The following GPHN variants were observed in gnomAD, a reference collection of about 807,000 sequenced individuals.
GPHN encodes gephyrin.
A neutral mutation model predicts 95.5 loss-of-function variants in GPHN; 17 were observed. The observed-to-expected ratio is 0.18, with a 90% CI of 0.12 to 0.27. The LOEUF (loss-of-function observed/expected upper bound fraction) is 0.27, where lower values mean the gene tolerates loss of function less well. Among genes scored for constraint, GPHN ranks in the 10% least tolerant of loss-of-function variants. The pLI, the probability that GPHN is intolerant of heterozygous loss-of-function variation, is 1.00. For synonymous variants in GPHN, 320 were observed against 322.5 expected, an observed-to-expected ratio of 0.99 and a Z score of 0.08; for missense variants, 660 against 978.1, an observed-to-expected ratio of 0.67 and a Z score of 4.34.
the GPHN span, among the ~76,000 whole-genome samples, chr14:67,545,463 C>G: frequency 6.6e-6 from 1 of 151,944 alleles, no homozygotes; most frequent in South Asian, 2.1e-4. Context: ...GTATTCATAC[C>G]TCAAATCAGT....
the GPHN span, among the ~76,000 whole-genome samples, chr14:67,487,619 G>A: frequency 1.3e-5 from 2 of 152,160 alleles, no homozygotes; most frequent in East Asian, 1.9e-4. Context: ...ACAACCACTC[G>A]TGCAGAAAAA....
intron 4 of GPHN, among the ~76,000 whole-genome samples, chr14:66,879,116 C>CAAA (rs1470604081): frequency 3.2e-4 from 49 of 152,086 alleles, no homozygotes; most frequent in Non-Finnish European, 5.6e-4. Flanking sequence ...AACAGAAAAC[C>CAAA]AAACACTACA....
chr14:66,862,105 G>GA (rs2063047738), intron 4 of GPHN, among the ~76,000 whole-genome samples: 1 of 151,574 alleles, frequency 6.6e-6, no homozygotes, highest in Non-Finnish European at 1.5e-5. Flanking sequence ...GAATAACTAA[G>GA]AAAAAAGGAG....
At chr14:67,364,897 G>A in the GPHN span, 1 of 1,613,934 alleles carries the variant, frequency 6.2e-7, no homozygotes, top group Non-Finnish European at 8.5e-7. Context: ...CAACATTGAA[G>A]GCATGATTCT....
chr14:66,797,626 A>T (rs1275789654), intron 3 of GPHN, among the ~76,000 whole-genome samples: 1 of 151,638 alleles, frequency 6.6e-6, no homozygotes, highest in Non-Finnish European at 1.5e-5. Flanking sequence ...TATTTTTCAG[A>T]TTGTTCACTG....
At chr14:67,061,623 A>G (rs1267992093) in intron 11 of GPHN, among the ~76,000 whole-genome samples, 1 of 151,772 alleles carries the variant, frequency 6.6e-6, no homozygotes, top group Non-Finnish European at 1.5e-5. Context: ...TTCTCCCTAA[A>G]CCTGACATGA....
intron 5 of GPHN, among the ~76,000 whole-genome samples, chr14:66,888,311 G>A (rs1376186467): frequency 1.3e-5 from 2 of 152,008 alleles, no homozygotes; most frequent in African/African-American, 4.8e-5. Flanking sequence ...ACAGAGTCCA[G>A]AGGGGAAAAA....
intron 9 of GPHN, among the ~76,000 whole-genome samples, chr14:66,990,772 ATATTT>A (rs1169126181): frequency 2.6e-5 from 4 of 152,050 alleles, no homozygotes; most frequent in Non-Finnish European, 4.4e-5. Flanking sequence ...ATTCAATTAA[ATATTT>A]TATTTTATGG....
the GPHN span, among the ~76,000 whole-genome samples, chr14:67,633,079 G>T: frequency 6.6e-6 from 1 of 151,736 alleles, no homozygotes; most frequent in African/African-American, 2.4e-5. Context: ...CTCGGCCTCC[G>T]AAAGTGCTGG....
At chr14:66,813,048 C>T (rs905722130) in intron 3 of GPHN, among the ~76,000 whole-genome samples, 11 of 152,264 alleles carry the variant, frequency 7.2e-5, no homozygotes, top group African/African-American at 2.6e-4. Flanking sequence ...ACTACCCTCA[C>T]TGACAGTCTG....
At chr14:67,228,220 TAA>T in the GPHN span, 1 of 158,342 alleles carries the variant, frequency 6.3e-6, no homozygotes, top group Non-Finnish European at 1.4e-5. Flanking sequence ...ATGGCTGGAT[TAA>T]AAAAAAGAGA....
At chr14:67,541,783 C>G in the GPHN span, 1 of 1,294,200 alleles carries the variant, frequency 7.7e-7, no homozygotes, top group Non-Finnish European at 1.0e-6. Flanking sequence ...CCACAGAACT[C>G]TTCCTCACAC....
At chr14:67,541,511 T>C in the GPHN span, among the ~76,000 whole-genome samples, 1 of 152,206 alleles carries the variant, frequency 6.6e-6, no homozygotes, top group East Asian at 1.9e-4. Context: ...AATGGATAAG[T>C]TTGTTGTGTG....
chr14:67,078,897 T>C (rs905253641), intron 11 of GPHN, among the ~76,000 whole-genome samples: 6 of 152,014 alleles, frequency 3.9e-5, no homozygotes, highest in African/African-American at 1.5e-4. Context: ...AGACCAAAAC[T>C]TGAGGTCATG....
the GPHN span, chr14:67,620,961 G>A: frequency 1.2e-6 from 2 of 1,614,094 alleles, no homozygotes; most frequent in East Asian, 4.5e-5. Context: ...AGGCTCTCCA[G>A]TTTGGGTAAG....
chr14:67,015,244 T>G (rs1436142193), intron 9 of GPHN, among the ~76,000 whole-genome samples: 2 of 152,184 alleles, frequency 1.3e-5, no homozygotes, highest in Admixed American at 1.3e-4. Flanking sequence ...GTTTTTCACA[T>G]TAACCTAGAA....
At chr14:67,060,953 G>T (rs1006654379) in intron 11 of GPHN, among the ~76,000 whole-genome samples, 2 of 152,096 alleles carry the variant, frequency 1.3e-5, no homozygotes, top group African/African-American at 4.8e-5. Flanking sequence ...AACTTATTTT[G>T]TCGACAATAC....
intron 1 of GPHN, among the ~76,000 whole-genome samples, chr14:66,598,593 TC>T (rs1243647921): frequency 6.6e-6 from 1 of 152,088 alleles, no homozygotes; most frequent in Non-Finnish European, 1.5e-5. Context: ...ATGCCTGCAA[TC>T]CCAGCACTTT....
chr14:66,660,954 A>G (rs2065607342), intron 1 of GPHN, among the ~76,000 whole-genome samples: 2 of 152,180 alleles, frequency 1.3e-5, no homozygotes, highest in Non-Finnish European at 2.9e-5. Context: ...TTGTGAATCC[A>G]TTCCACCAGG....
Sources: allele counts gnomAD v4.1 joint callset (sites outside exome capture counted in the v4.1 genomes callset), GRCh38; gene constraint gnomAD v4.1.1; transcripts MANE v1.5; gene names NCBI Gene and HGNC (gene_info 2026-07-23, HGNC 2026-07-21).